Variants in KHDRBS2 observed in about 807,000 individuals in gnomAD.
The protein encoded by KHDRBS2 is KH RNA binding domain containing, signal transduction associated 2, also known as KH domain-containing, RNA-binding, signal transduction-associated protein 2.
A neutral mutation model predicts 44.3 loss-of-function variants in KHDRBS2; 26 were observed. That is an observed-to-expected ratio of 0.59 (90% CI 0.43 to 0.81). The LOEUF (loss-of-function observed/expected upper bound fraction) is 0.81. Among genes scored for constraint, KHDRBS2 ranks in the 40% least tolerant of loss-of-function variants. KHDRBS2 has a pLI of 0.00. For synonymous variants in KHDRBS2, 194 were observed against 151.1 expected, an observed-to-expected ratio of 1.28 and a Z score of -2.08; for missense variants, 476 against 433.1, an observed-to-expected ratio of 1.10 and a Z score of -0.88.
the KHDRBS2 span, among the ~76,000 whole-genome samples, chr6:61,568,615 C>T: frequency 3.1e-5 from 3 of 96,408 alleles, no homozygotes; most frequent in African/African-American, 1.4e-4. Flanking sequence ...GGAAACCTGA[C>T]TTTGAACATA....
At chr6:61,699,878 T>G (rs958521671) in intron 7 of KHDRBS2, among the ~76,000 whole-genome samples, 13 of 151,890 alleles carry the variant, frequency 8.6e-5, no homozygotes, top group African/African-American at 3.1e-4. Context: ...GTCTAAAAAA[T>G]TATGGTAATG....
intron 4 of KHDRBS2, among the ~76,000 whole-genome samples, chr6:61,927,589 C>T (rs1809217728): frequency 1.3e-5 from 2 of 152,000 alleles, no homozygotes; most frequent in South Asian, 4.1e-4. Context: ...AATACAATTT[C>T]CTTAATTGTC....
chr6:61,637,202 G>A, the KHDRBS2 span, among the ~76,000 whole-genome samples: 1 of 144,974 alleles, frequency 6.9e-6, no homozygotes, highest in African/African-American at 2.5e-5. Context: ...CCCCACAACA[G>A]TACCCAGAGT....
rs141881878 is a variant in KHDRBS2, at chr6:62,017,768, T to C, written c.336+30110A>G. Reference sequence around the variant, plus strand: ...TAATTTTGGATAACAATTTAGATTGTAATATTTTTCATTCTAAAGTATAAG... The same window carrying C: ...TAATTTTGGATAACAATTTAGATTGCAATATTTTTCATTCTAAAGTATAAG... On this transcript the variant is annotated intron_variant, in intron 3 of 8. Transcript: ENST00000281156. 2.8e-3 allele frequency among the ~76,000 whole-genome samples: 420 copies of C among 152,284 alleles called. 3 individuals carry two copies. Among genetic ancestry groups the C allele is most frequent in the African/African-American group, 9.2e-3 (384 of 41,578 alleles).
At chr6:61,557,835 G>C in the KHDRBS2 span, among the ~76,000 whole-genome samples, 129,786 of 152,118 alleles carry the variant, frequency 0.85, 55,817 homozygotes, top group African/African-American at 0.94. Flanking sequence ...TTGGTCTGTT[G>C]AGGTTTTGCA....
At chr6:61,675,842 T>C (rs1381497020), downstream of KHDRBS2, among the ~76,000 whole-genome samples, 1 of 151,864 alleles carries the variant, frequency 6.6e-6, no homozygotes, top group Non-Finnish European at 1.5e-5. Context: ...TTCCAGTTGT[T>C]ATGGGATCAT....
chr6:62,224,470 A>G (rs1488647897), intron 1 of KHDRBS2, among the ~76,000 whole-genome samples: 4 of 152,162 alleles, frequency 2.6e-5, no homozygotes, highest in African/African-American at 9.7e-5. Flanking sequence ...CAACTCTTTC[A>G]TCTGGTATTA....
rs1842462478 is a variant in KHDRBS2, at chr6:62,286,099, AC to A, written c.-152del. 3 of 592,146 alleles carry A rather than the reference AC, an allele frequency of 5.1e-6. No individual in the cohort carries two copies. Among genetic ancestry groups the A allele is most frequent in the Non-Finnish European group, 8.9e-6 (3 of 337,586 alleles). The allele number at this position is 592,146 out of a possible 1,614,324, so 36.7% of individuals were successfully genotyped here. On this transcript the variant is annotated 5_prime_UTR_variant, in exon 1 of 9. Transcript: ENST00000281156. ...GTCCTCACTGGCCCATGCACCCAGC[AC>A]CTGCGACTCCCGCCGTCGGGCTGCG...
chr6:62,180,992 C>T (rs1822155570), intron 1 of KHDRBS2, among the ~76,000 whole-genome samples: 1 of 140,014 alleles, frequency 7.1e-6, no homozygotes. Flanking sequence ...TCCACATGCA[C>T]AACAATAAAA....
intron 7 of KHDRBS2, among the ~76,000 whole-genome samples, chr6:61,731,528 C>T (rs1426852393): frequency 6.6e-6 from 1 of 151,998 alleles, no homozygotes. Context: ...TCACTCAGGC[C>T]ACGGAAAATC....
intron 2 of KHDRBS2, among the ~76,000 whole-genome samples, chr6:62,064,204 C>T (rs909641367): frequency 4.6e-5 from 6 of 129,194 alleles, no homozygotes; most frequent in Non-Finnish European, 8.5e-5. Flanking sequence ...GGCCATACTG[C>T]CCAAGGTAAT....
At chr6:61,608,306 ATATATATGTGTG>A in the KHDRBS2 span, among the ~76,000 whole-genome samples, 14 of 93,540 alleles carry the variant, frequency 1.5e-4, no homozygotes, top group Non-Finnish European at 2.7e-4. Flanking sequence ...ATATGTGTGT[ATATATATGTGTG>A]TATATATATA....
At chr6:61,799,172 T>C (rs1785854023) in intron 6 of KHDRBS2, among the ~76,000 whole-genome samples, 1 of 151,900 alleles carries the variant, frequency 6.6e-6, no homozygotes, top group Admixed American at 6.6e-5. Flanking sequence ...TATGCTTTTT[T>C]AAAAAACAAA....
chr6:61,592,092 G>A, the KHDRBS2 span, among the ~76,000 whole-genome samples: 1 of 150,856 alleles, frequency 6.6e-6, no homozygotes, highest in Non-Finnish European at 1.5e-5. Context: ...TCTGGAGGCT[G>A]AGGTGGGAAG....
intron 2 of KHDRBS2, among the ~76,000 whole-genome samples, chr6:62,154,525 G>A (rs1815943549): frequency 6.6e-6 from 1 of 152,006 alleles, no homozygotes; most frequent in Non-Finnish European, 1.5e-5. Context: ...TGATTTATAA[G>A]CCATCTCAAT....
intron 2 of KHDRBS2, among the ~76,000 whole-genome samples, chr6:62,147,348 A>G (rs778759095): frequency 6.6e-6 from 1 of 151,934 alleles, no homozygotes; most frequent in Non-Finnish European, 1.5e-5. Context: ...AATAATAGCA[A>G]TATGTTTAGT....
chr6:61,802,351 AACTG>A, intron 6 of KHDRBS2, among the ~76,000 whole-genome samples: 1 of 152,276 alleles, frequency 6.6e-6, no homozygotes, highest in East Asian at 1.9e-4. Context: ...AACAATAGAA[AACTG>A]ATGTAATGCT....
At chr6:62,121,083 C>T (rs1381851804) in intron 2 of KHDRBS2, among the ~76,000 whole-genome samples, 1 of 152,256 alleles carries the variant, frequency 6.6e-6, no homozygotes, top group East Asian at 1.9e-4. Context: ...TCAGGTCCTA[C>T]TTAGTGGGTC....
chr6:61,970,140 A>G (rs563989632), intron 4 of KHDRBS2, among the ~76,000 whole-genome samples: 1 of 152,116 alleles, frequency 6.6e-6, no homozygotes, highest in South Asian at 2.1e-4. Context: ...ATATGTGTGT[A>G]TCTATATATA....
Sources: gnomAD v4.1 joint callset for allele counts (sites outside exome capture counted in the v4.1 genomes callset) on GRCh38, gnomAD v4.1.1 for gene constraint, MANE v1.5 for transcripts, NCBI Gene and HGNC (gene_info 2026-07-23, HGNC 2026-07-21) for gene names.